The following SCAI variants were observed in gnomAD, a reference collection of about 807,000 sequenced individuals.
SCAI encodes protein SCAI.
A neutral mutation model predicts 92.2 loss-of-function variants in SCAI; 24 were observed. That is an observed-to-expected ratio of 0.26 (90% CI 0.19 to 0.37). SCAI has a LOEUF of 0.37. Among genes scored for constraint, SCAI ranks in the 10% least tolerant of loss-of-function variants. The pLI, the probability that SCAI is intolerant of heterozygous loss-of-function variation, is 1.00. For missense variants in SCAI, 450 were observed against 736.2 expected (o/e 0.61, Z 4.50); for synonymous variants, 261 against 258.6 (o/e 1.01, Z -0.09).
chr9:125,117,611 A>C (rs1266922269), intron 2 of SCAI, among the ~76,000 whole-genome samples: 1 of 138,780 alleles, frequency 7.2e-6, no homozygotes, highest in African/African-American at 2.7e-5. Flanking sequence ...GGCTGCAGTG[A>C]GCCGAGATCA....
intron 2 of SCAI, among the ~76,000 whole-genome samples, chr9:125,060,905 A>G: frequency 6.6e-6 from 1 of 152,206 alleles, no homozygotes; most frequent in East Asian, 1.9e-4. Context: ...CAGTGTTCCT[A>G]TTCAAGTATT....
intron 9 of SCAI, among the ~76,000 whole-genome samples, chr9:125,007,837 GTTCTTT>G (rs1262174931): frequency 6.6e-6 from 1 of 151,344 alleles, no homozygotes; most frequent in African/African-American, 2.4e-5. Context: ...TTGTTTTTTA[GTTCTTT>G]TTCTTTTTCT....
At chr9:125,065,855 C>A (rs1833859428) in intron 2 of SCAI, 6 of 583,060 alleles carry the variant, frequency 1.0e-5, no homozygotes, top group Non-Finnish European at 1.8e-5. Context: ...AACAGATGCA[C>A]AACTCACATT....
At chr9:124,966,291 T>C (rs879596878) in intron 17 of SCAI, among the ~76,000 whole-genome samples, 12 of 143,808 alleles carry the variant, frequency 8.3e-5, no homozygotes, top group Admixed American at 1.4e-4. Flanking sequence ...TGTGCTCTCA[T>C]TGTTCAATTC....
At chr9:125,106,918 T>C (rs2131222969) in intron 2 of SCAI, among the ~76,000 whole-genome samples, 1 of 150,714 alleles carries the variant, frequency 6.6e-6, no homozygotes, top group Admixed American at 6.6e-5. Flanking sequence ...TCTCATTATG[T>C]TGCCCACGCT....
At chr9:125,030,756 AAG>A (rs1833058417) in intron 3 of SCAI, among the ~76,000 whole-genome samples, 2 of 152,198 alleles carry the variant, frequency 1.3e-5, no homozygotes, top group South Asian at 4.1e-4. Flanking sequence ...GATTTATACA[AAG>A]AGGTTGGGAA....
chr9:125,106,148 T>TATATATATATATATATAC (rs1834792446), intron 2 of SCAI, among the ~76,000 whole-genome samples: 1 of 109,428 alleles, frequency 9.1e-6, no homozygotes, highest in African/African-American at 3.5e-5. Flanking sequence ...TATATATATA[T>TATATATATATATATATAC]ATATATAGTT....
At chr9:125,137,715 C>T (rs575945757) in intron 2 of SCAI, among the ~76,000 whole-genome samples, 5 of 152,308 alleles carry the variant, frequency 3.3e-5, no homozygotes, top group African/African-American at 1.2e-4. Flanking sequence ...ATTCTCTGGC[C>T]TCAGCCTCCT....
At position 125,143,482 on chromosome 9, in the gene SCAI, C is replaced by T. The variant is rs770138441; in HGVS notation, c.-45G>A. The T allele has an allele frequency of 5.3e-6, 7 of 1,318,522 alleles. No homozygotes were observed. The East Asian group carries it at 9.4e-5, about 18-fold the overall frequency. 81.7% of individuals were successfully genotyped at this position (1,318,522 alleles called of 1,614,324 possible). A position where few individuals can be genotyped will look rare whatever the true frequency, so the allele number is the denominator to read the frequency against. ...GGGAGCTGCTCCGGCGGCCGCAGGG[C>T]TCGCTCGGGAAGCTGAGGCGGCGGA... On this transcript the variant is annotated 5_prime_UTR_variant, in exon 1 of 18. Transcript: ENST00000336505.
chr9:125,085,551 A>G (rs747811614), intron 2 of SCAI, among the ~76,000 whole-genome samples: 19 of 151,910 alleles, frequency 1.3e-4, no homozygotes, highest in Non-Finnish European at 2.8e-4. Flanking sequence ...GACTGGGTGC[A>G]GTGGTTCATG....
At chr9:125,082,101 G>A (rs1834232598) in intron 2 of SCAI, among the ~76,000 whole-genome samples, 1 of 152,320 alleles carries the variant, frequency 6.6e-6, no homozygotes. Flanking sequence ...GGAGGTCTAG[G>A]AGAATATGGT....
chr9:125,094,950 A>C (rs965748413), intron 2 of SCAI, among the ~76,000 whole-genome samples: 2 of 152,220 alleles, frequency 1.3e-5, no homozygotes, highest in Non-Finnish European at 2.9e-5. Context: ...TTAAATTATA[A>C]ATTTTTAAGT....
chr9:125,003,685 CT>C, intron 9 of SCAI, 115 bp from the exon 10 acceptor site: 3 of 660,234 alleles, frequency 4.5e-6, no homozygotes, highest in South Asian at 1.8e-5. Flanking sequence ...CTTTGGGTAC[CT>C]TTTTCTCTAA....
chr9:124,998,766 C>T (rs1029921399), intron 13 of SCAI, among the ~76,000 whole-genome samples: 3 of 152,110 alleles, frequency 2.0e-5, no homozygotes, highest in Non-Finnish European at 2.9e-5. Context: ...GGACCACAGG[C>T]GCAAGCCACC....
chr9:124,958,633 G>A (rs369890288), intron 17 of SCAI, among the ~76,000 whole-genome samples: 10 of 152,026 alleles, frequency 6.6e-5, no homozygotes, highest in Admixed American at 2.0e-4. Context: ...AAGGCCAGGC[G>A]TGGTGGCTCA....
intron 17 of SCAI, among the ~76,000 whole-genome samples, chr9:124,956,037 G>C (rs924209238): frequency 1.3e-5 from 2 of 152,080 alleles, no homozygotes; most frequent in African/African-American, 4.8e-5. Flanking sequence ...CAATTTATGA[G>C]GTCAGCGCTA....
intron 3 of SCAI, among the ~76,000 whole-genome samples, chr9:125,033,198 CA>C (rs1015935853): frequency 3.6e-4 from 50 of 138,746 alleles, no homozygotes; most frequent in Admixed American, 4.3e-4. Context: ...ACTCCATCTC[CA>C]AAAAAAAAAA....
chr9:125,088,933 C>T (rs543483907), intron 2 of SCAI, among the ~76,000 whole-genome samples: 4 of 152,148 alleles, frequency 2.6e-5, no homozygotes, highest in East Asian at 1.9e-4. Context: ...CTCGCCTCTA[C>T]GCACTAGATG....
intron 3 of SCAI, among the ~76,000 whole-genome samples, chr9:125,042,668 T>C (rs72765257): frequency 0.23 from 25,186 of 108,676 alleles, 2,354 homozygotes; most frequent in East Asian, 0.29. Flanking sequence ...CACACACACA[T>C]ATACAAAAAG....
Sources: allele counts gnomAD v4.1 joint callset (sites outside exome capture counted in the v4.1 genomes callset), GRCh38; gene constraint gnomAD v4.1.1; transcripts MANE v1.5; gene names NCBI Gene and HGNC (gene_info 2026-07-23, HGNC 2026-07-21).